The following SNX5 variants were observed in gnomAD, a reference collection of about 807,000 sequenced individuals.
SNX5 encodes sorting nexin 5.
Under a neutral mutation model 53.9 loss-of-function variants are expected in SNX5, and 31 were observed. The ratio of observed to expected loss-of-function variants is 0.58; its 90% CI spans 0.43 to 0.78. The LOEUF (loss-of-function observed/expected upper bound fraction) is 0.78, where lower values mean the gene tolerates loss of function less well. SNX5 is among the 30% of genes least tolerant of loss of function. The probability of loss-of-function intolerance (pLI) is 0.00; values close to 1 mark genes in which losing one functional copy is unlikely to be tolerated. For synonymous variants in SNX5, 168 were observed against 171.1 expected (o/e 0.98, Z 0.14); for missense variants, 471 against 478.8 (o/e 0.98, Z 0.15).
chr20:17,958,951 T>C (rs1189274595), intron 1 of SNX5, among the ~76,000 whole-genome samples: 2 of 152,182 alleles, frequency 1.3e-5, no homozygotes, highest in African/African-American at 4.8e-5. Context: ...GCCTAAGAAG[T>C]AGCCATGGTC....
At chr20:17,955,293 T>A in intron 3 of SNX5, 72 bp downstream of exon 3, 1 of 1,049,296 alleles carries the variant, frequency 9.5e-7, no homozygotes, top group Non-Finnish European at 1.4e-6. Context: ...AAAAAGTGGA[T>A]ATAAGTCTCT....
intron 8 of SNX5, among the ~76,000 whole-genome samples, chr20:17,949,768 CA>C (rs1198144342): frequency 2.0e-5 from 3 of 148,262 alleles, no homozygotes; most frequent in Non-Finnish European, 3.0e-5. Context: ...CATCACAGGC[CA>C]AAAAAAAAGA....
At chr20:17,951,930 G>A (rs1396047070) in intron 5 of SNX5, among the ~76,000 whole-genome samples, 22 of 152,158 alleles carry the variant, frequency 1.4e-4, no homozygotes, top group Admixed American at 1.4e-3. Context: ...TAGCATAAAA[G>A]TCATAATTCG....
chr20:17,953,892 C>G (rs2035307817), intron 4 of SNX5, 104 bp downstream of exon 4: 3 of 946,392 alleles, frequency 3.2e-6, no homozygotes, highest in Non-Finnish European at 4.9e-6. Flanking sequence ...AATTAAACAG[C>G]TGCACTTAAA....
intron 5 of SNX5, among the ~76,000 whole-genome samples, chr20:17,952,254 A>C (rs1031727060): frequency 6.6e-6 from 1 of 152,190 alleles, no homozygotes; most frequent in Non-Finnish European, 1.5e-5. Flanking sequence ...ATAATTCAAC[A>C]AAAAGCGTAG....
intron 11 of SNX5, 105 bp from the exon 12 acceptor site, chr20:17,943,300 G>C (rs1600329153): frequency 6.5e-6 from 5 of 764,270 alleles, no homozygotes; most frequent in Non-Finnish European, 1.2e-5. Context: ...AATGCTTTCA[G>C]GCACCAGCAT....
At chr20:17,953,555 G>C (rs1224208133) in intron 4 of SNX5, among the ~76,000 whole-genome samples, 1 of 152,174 alleles carries the variant, frequency 6.6e-6, no homozygotes, top group Non-Finnish European at 1.5e-5. Context: ...AAAGCAAGCT[G>C]ATCACTTGAA....
chr20:17,952,052 T>C (rs1330838539), intron 5 of SNX5, among the ~76,000 whole-genome samples: 1 of 152,030 alleles, frequency 6.6e-6, no homozygotes, highest in African/African-American at 2.4e-5. Flanking sequence ...TGAAACCCCA[T>C]CTCTACTAAA....
intron 11 of SNX5, among the ~76,000 whole-genome samples, chr20:17,946,836 T>C (rs1010850550): frequency 2.0e-5 from 3 of 152,210 alleles, no homozygotes; most frequent in Admixed American, 6.5e-5. Context: ...ATTTGGATAC[T>C]ATCTAATTGA....
chr20:17,968,714 A>T lies in SNX5; in HGVS notation c.-289T>A. ...GTGGGGCCTACCCTTGCTCCGCTCC[A>T]CGAGGAGGCCGCCAACCGCAGGGCC... On this transcript the variant is annotated 5_prime_UTR_variant, in exon 1 of 13. Coordinates refer to ENST00000377759, the MANE Select transcript of SNX5 (RefSeq NM_014426.4). The T allele has an allele frequency of 2.3e-6, 1 of 437,908 alleles. No homozygotes were observed. Among genetic ancestry groups the T allele is most frequent in the Non-Finnish European group, 4.2e-6 (1 of 237,720 alleles). The allele number at this position is 437,908 out of a possible 1,614,324, so 27.1% of individuals were successfully genotyped here.
At chr20:17,946,521 T>A (rs914539687) in intron 11 of SNX5, among the ~76,000 whole-genome samples, 1 of 152,132 alleles carries the variant, frequency 6.6e-6, no homozygotes, top group Admixed American at 6.5e-5. Flanking sequence ...AATAATGAAT[T>A]CTAAACCATT....
intron 10 of SNX5, 92 bp from the exon 11 acceptor site, chr20:17,947,737 G>C (rs2039507158): frequency 9.3e-7 from 1 of 1,079,270 alleles, no homozygotes; most frequent in Non-Finnish European, 1.3e-6. Flanking sequence ...GATGTTAGTG[G>C]CAATAATCTA....
rs114134654 is a variant in SNX5, at chr20:17,947,717, T to C, written c.919-72A>G. The C allele has an allele frequency of 6.5e-4, 859 of 1,317,426 alleles. 4 individuals are homozygous for C. In the African/African-American group the frequency reaches 0.01, roughly 16 times the overall value. 81.6% of individuals were successfully genotyped at this position (1,317,426 alleles called of 1,614,324 possible). A position where few individuals can be genotyped will look rare whatever the true frequency, so the allele number is the denominator to read the frequency against. On this transcript the variant is annotated intron_variant, in intron 10 of 12. Transcript: ENST00000377759. Reference sequence around the variant, plus strand: ...CTAAAAAATAGCCCAAGTGCCAATGTACCACCTGAGATGTTAGTGGCAATA... The same window carrying C: ...CTAAAAAATAGCCCAAGTGCCAATGCACCACCTGAGATGTTAGTGGCAATA...
chr20:17,960,445 T>C (rs906242517), intron 1 of SNX5, among the ~76,000 whole-genome samples: 1 of 152,028 alleles, frequency 6.6e-6, no homozygotes, highest in Non-Finnish European at 1.5e-5. Flanking sequence ...AATACAAAAA[T>C]TAGCTGGGCA....
chr20:17,945,060 G>A (rs973700132), intron 11 of SNX5: 1 of 152,156 alleles, frequency 6.6e-6, no homozygotes, highest in African/African-American at 2.4e-5. Context: ...CCTCCTTCCT[G>A]TCTCTACAGT....
chr20:17,945,825 G>C (rs1333598676), intron 11 of SNX5, among the ~76,000 whole-genome samples: 1 of 152,162 alleles, frequency 6.6e-6, no homozygotes, highest in African/African-American at 2.4e-5. Context: ...TTTCCCCCAG[G>C]TAGCTTCAAA....
chr20:17,954,186 C>G, intron 3 of SNX5, 69 bp from the exon 4 acceptor site: 1 of 1,588,758 alleles, frequency 6.3e-7, no homozygotes, highest in Non-Finnish European at 8.6e-7. Flanking sequence ...GTGCCTCATT[C>G]TACTCTTGCT....
At chr20:17,952,234 GA>G (rs1289872043) in intron 5 of SNX5, among the ~76,000 whole-genome samples, 4 of 151,944 alleles carry the variant, frequency 2.6e-5, no homozygotes, top group African/African-American at 9.7e-5. Context: ...AAAAAGAAAA[GA>G]AAAAAGTCAT....
At chr20:17,966,588 A>G (rs2035541217) in intron 1 of SNX5, among the ~76,000 whole-genome samples, 1 of 152,194 alleles carries the variant, frequency 6.6e-6, no homozygotes, top group Non-Finnish European at 1.5e-5. Flanking sequence ...ATTGGCCAAA[A>G]TGAGTATTGG....
Sources: allele counts gnomAD v4.1 joint callset (sites outside exome capture counted in the v4.1 genomes callset), GRCh38; gene constraint gnomAD v4.1.1; transcripts MANE v1.5; gene names NCBI Gene and HGNC (gene_info 2026-07-23, HGNC 2026-07-21).